SGCD: variants seen among roughly 807,000 people sequenced by gnomAD.
SGCD encodes the protein delta-sarcoglycan.
Under a neutral mutation model 36.6 loss-of-function variants are expected in SGCD, and 18 were observed. That is an observed-to-expected ratio of 0.49 (90% CI 0.34 to 0.73). The LOEUF is 0.73. SGCD is among the 30% of genes least tolerant of loss of function. The pLI, the probability that SGCD is intolerant of heterozygous loss-of-function variation, is 0.01. For missense variants in SGCD, 387 were observed against 346.7 expected (o/e 1.12, Z -0.92); for synonymous variants, 133 against 130.6 (o/e 1.02, Z -0.12).
chr5:156,384,661 G>A (rs7702643), intron 3 of SGCD, among the ~76,000 whole-genome samples: 84,567 of 134,750 alleles, frequency 0.63, 23,729 homozygotes, highest in East Asian at 0.78. Flanking sequence ...ATCTCAAAAA[G>A]ATGTGCATTT....
chr5:156,484,707 A>G (rs1341626258), intron 3 of SGCD, among the ~76,000 whole-genome samples: 1 of 152,072 alleles, frequency 6.6e-6, no homozygotes, highest in Admixed American at 6.6e-5. Context: ...AGTTTTTAAG[A>G]CTTTCTCATT....
intron 3 of SGCD, among the ~76,000 whole-genome samples, chr5:156,402,125 C>G (rs888904768): frequency 6.6e-6 from 1 of 152,196 alleles, no homozygotes; most frequent in Non-Finnish European, 1.5e-5. Flanking sequence ...GAATAGTGTT[C>G]CATTGTACGT....
rs549533094 is a variant in SGCD at position 156,759,085 on chromosome 5, C to T, written c.700-132C>T. ...TTGTTGGTATCCAAATCCCCAGTAC[C>T]AAAAATAATCAACACATAGTAGGTG... On this transcript the variant is annotated intron_variant, in intron 8 of 8. Transcript: ENST00000337851. 4.4e-5 allele frequency: 30 copies of T among 676,140 alleles called. No individual in the cohort carries two copies. In the African/African-American group the frequency reaches 5.4e-4, roughly 12 times the overall value. 41.9% of individuals were successfully genotyped at this position (676,140 alleles called of 1,614,324 possible).
At chr5:155,991,861 C>T (rs562842370) in intron 1 of SGCD, among the ~76,000 whole-genome samples, 2 of 152,162 alleles carry the variant, frequency 1.3e-5, no homozygotes, top group Non-Finnish European at 2.9e-5. Context: ...TAGAATTACC[C>T]TCTCAAAAGG....
At chr5:155,788,240 T>C in the SGCD span, among the ~76,000 whole-genome samples, 1 of 152,204 alleles carries the variant, frequency 6.6e-6, no homozygotes, top group African/African-American at 2.4e-5. Flanking sequence ...TAATGTTTCT[T>C]AAATAGTTTA....
At chr5:155,789,971 G>GGAGT in the SGCD span, among the ~76,000 whole-genome samples, 15 of 151,932 alleles carry the variant, frequency 9.9e-5, no homozygotes, top group Non-Finnish European at 2.1e-4. Flanking sequence ...GAGTATAGAT[G>GGAGT]ACCTTTAGTG....
chr5:156,181,969 G>A (rs1454730789), intron 3 of SGCD, among the ~76,000 whole-genome samples: 2 of 152,182 alleles, frequency 1.3e-5, no homozygotes, highest in Non-Finnish European at 1.5e-5. Flanking sequence ...AATCATATGC[G>A]AGAGGCTTGT....
intron 1 of SGCD, among the ~76,000 whole-genome samples, chr5:156,082,991 T>A (rs1760999054): frequency 6.6e-6 from 1 of 152,166 alleles, no homozygotes; most frequent in African/African-American, 2.4e-5. Flanking sequence ...CTCATTGTAG[T>A]TTTAATTTGC....
chr5:156,234,340 A>G (rs370909312), intron 3 of SGCD, among the ~76,000 whole-genome samples: 28 of 152,248 alleles, frequency 1.8e-4, no homozygotes, highest in Middle Eastern at 6.8e-3. Context: ...TTGTCTTTTC[A>G]GTCTCTTAAC....
chr5:156,091,030 G>T (rs1761228972), intron 1 of SGCD, among the ~76,000 whole-genome samples: 1 of 152,106 alleles, frequency 6.6e-6, no homozygotes, highest in South Asian at 2.1e-4. Context: ...CACACGTTTT[G>T]CAAACAATTT....
chr5:155,990,130 C>T (rs1758403015), intron 1 of SGCD, among the ~76,000 whole-genome samples: 1 of 152,090 alleles, frequency 6.6e-6, no homozygotes, highest in African/African-American at 2.4e-5. Flanking sequence ...GACTTGTTTC[C>T]ATGTAGTGAA....
chr5:156,420,665 T>A (rs1304701974), intron 3 of SGCD, among the ~76,000 whole-genome samples: 1 of 152,132 alleles, frequency 6.6e-6, no homozygotes, highest in Non-Finnish European at 1.5e-5. Flanking sequence ...TTTGCTGAGA[T>A]AAGATATCAA....
intron 7 of SGCD, among the ~76,000 whole-genome samples, chr5:156,736,524 T>C (rs967365181): frequency 6.6e-6 from 1 of 152,206 alleles, no homozygotes; most frequent in African/African-American, 2.4e-5. Flanking sequence ...TCTGTGTGTC[T>C]GTGTCCCAGA....
At chr5:156,597,032 T>C (rs1365796879) in intron 6 of SGCD, among the ~76,000 whole-genome samples, 1 of 152,146 alleles carries the variant, frequency 6.6e-6, no homozygotes, top group Non-Finnish European at 1.5e-5. Flanking sequence ...AAATGCAGGG[T>C]GCAGAGATGA....
chr5:156,060,386 A>T (rs578153164), intron 1 of SGCD, among the ~76,000 whole-genome samples: 2 of 146,488 alleles, frequency 1.4e-5, no homozygotes, highest in African/African-American at 4.9e-5. Flanking sequence ...TTTCTGGATG[A>T]TCAGGTTATA....
At chr5:155,912,716 T>C (rs1404533444) in intron 1 of SGCD, among the ~76,000 whole-genome samples, 2 of 152,198 alleles carry the variant, frequency 1.3e-5, no homozygotes, top group Non-Finnish European at 2.9e-5. Context: ...CAATTCATTT[T>C]AGTCTTGGCT....
At chr5:156,134,391 A>G (rs1762403240) in intron 3 of SGCD, among the ~76,000 whole-genome samples, 1 of 151,872 alleles carries the variant, frequency 6.6e-6, no homozygotes, top group African/African-American at 2.4e-5. Context: ...TTCCCATTCC[A>G]TTTGCCTTGT....
At chr5:156,469,546 G>A (rs961889667) in intron 3 of SGCD, among the ~76,000 whole-genome samples, 2 of 152,174 alleles carry the variant, frequency 1.3e-5, no homozygotes, top group Non-Finnish European at 2.9e-5. Flanking sequence ...CAATTGAAGT[G>A]AAACAACTCA....
chr5:155,764,952 A>T, the SGCD span, among the ~76,000 whole-genome samples: 1 of 152,156 alleles, frequency 6.6e-6, no homozygotes, highest in Non-Finnish European at 1.5e-5. Context: ...AAAGTTTTCT[A>T]TAAAAATAAA....
Sources: allele counts gnomAD v4.1 joint callset (sites outside exome capture counted in the v4.1 genomes callset), GRCh38; gene constraint gnomAD v4.1.1; transcripts MANE v1.5; gene names NCBI Gene and HGNC (gene_info 2026-07-23, HGNC 2026-07-21).